Variants in HIP1R observed in about 807,000 individuals in gnomAD.
The protein encoded by HIP1R is huntingtin interacting protein 1 related, also known as huntingtin-interacting protein 1-related protein.
HIP1R carries 135 observed loss-of-function variants against 144.2 expected under a neutral mutation model. The ratio of observed to expected loss-of-function variants is 0.94; its 90% CI spans 0.81 to 1.08. The LOEUF (loss-of-function observed/expected upper bound fraction) is 1.08. Among genes scored for constraint, HIP1R ranks in the 50% least tolerant of loss-of-function variants. The probability of loss-of-function intolerance (pLI) is 0.00; values close to 1 mark genes in which losing one functional copy is unlikely to be tolerated. For synonymous variants in HIP1R, 698 were observed against 612.8 expected, an observed-to-expected ratio of 1.14 and a Z score of -2.05; for missense variants, 1,462 against 1,432.8, an observed-to-expected ratio of 1.02 and a Z score of -0.33.
intron 4 of HIP1R, among the ~76,000 whole-genome samples, chr12:122,849,428 G>A (rs537058098): frequency 1.1e-4 from 17 of 152,388 alleles, no homozygotes; most frequent in Admixed American, 2.6e-4. Context: ...TGACCAGGGC[G>A]TTATCCAACC....
At chr12:122,843,476 G>C (rs1170897651) in intron 1 of HIP1R, among the ~76,000 whole-genome samples, 3 of 152,226 alleles carry the variant, frequency 2.0e-5, no homozygotes, top group Non-Finnish European at 4.4e-5. Flanking sequence ...ATTGAGACCT[G>C]TCTGCTGGCC....
Position 122,858,835 on chromosome 12 carries a change from C to T in HIP1R, c.2051-3C>T. 1.2e-6 allele frequency: 2 copies of T among 1,611,376 alleles called. No individual in the cohort carries two copies. The highest frequency in any genetic ancestry group is 1.7e-6 in the Non-Finnish European group (2 of 1,178,550). On this transcript the variant is annotated splice_polypyrimidine_tract_variant and splice_region_variant and intron_variant, in intron 20 of 31. Coordinates refer to ENST00000253083, the MANE Select transcript of HIP1R (RefSeq NM_003959.3). ...CCAACCTTGGCCCCACCCACCCGCA[C>T]AGACGCCTCCGCCCTGGTGGCAGCT...
chr12:122,854,932 A>G lies in HIP1R; in HGVS notation c.746A>G (p.His249Arg). The change falls in exon 9 of 32, where the codon CAC becomes CGC. Residue 249 changes from histidine (H) to arginine (R), a missense_variant. By Grantham distance (29) the His-to-Arg change is conservative. Coordinates refer to ENST00000253083, the MANE Select transcript of HIP1R (RefSeq NM_003959.3). ...SCLPADTLQG[H>R]RDRFHEQFHS... ...CTCCCTGCGGACACCCTGCAAGGCC[A>G]CAGGGACCGGTTCCACGAGCAGTTT... 6.2e-7 allele frequency: 1 copy of G among 1,612,840 alleles called. No individual in the cohort carries two copies.
chr12:122,847,473 A>G (rs1593867550), intron 1 of HIP1R, among the ~76,000 whole-genome samples: 1 of 152,196 alleles, frequency 6.6e-6, no homozygotes, highest in South Asian at 2.1e-4. Context: ...AGCTTGACAC[A>G]GTTTGACAGG....
At chr12:122,835,684 C>A in intron 1 of HIP1R, 41 bp downstream of exon 1, 10 of 974,818 alleles carry the variant, frequency 1.0e-5, no homozygotes, top group Non-Finnish European at 8.6e-6. Context: ...CGGCGGCGGG[C>A]GGGCGGGCAA....
Position 122,858,143 on chromosome 12 carries a change from G to C in HIP1R, c.1857G>C (p.Glu619Asp). Residue 619 changes from glutamate (E) to aspartate (D), a missense_variant, in exon 19 of 32, where the codon GAG becomes GAC. Glu to Asp is a conservative substitution (Grantham distance 45). This residue lies in a region of HIP1R where 1,112 missense variants were observed against 1,011.7 expected (regional missense o/e 1.10). Coordinates refer to ENST00000253083, the MANE Select transcript of HIP1R (RefSeq NM_003959.3). ...EQGLRQRLLDEQFAVLRGAAA... is the reference protein window; with the variant it reads ...EQGLRQRLLDDQFAVLRGAAA... ...GGCTGCGGCAGAGGCTGCTGGACGAGCAGTTCGCAGTGTTGCGGGGCGCTG... is the reference window on the plus strand; with the variant it reads ...GGCTGCGGCAGAGGCTGCTGGACGACCAGTTCGCAGTGTTGCGGGGCGCTG... 1 of 1,602,374 alleles carries C rather than the reference G, an allele frequency of 6.2e-7. No individual in the cohort carries two copies. Among genetic ancestry groups the C allele is most frequent in the Non-Finnish European group, 8.5e-7 (1 of 1,176,960 alleles).
At position 122,857,078 on chromosome 12, in the gene HIP1R, A is replaced by G; in HGVS notation, c.1678A>G (p.Ser560Gly). Residue 560 changes from serine (S) to glycine (G), a missense_variant, in exon 18 of 32, where the codon AGT (serine) becomes GGT (glycine). Physicochemically the swap from Ser to Gly is moderately conservative, Grantham distance 56 (BLOSUM62 0). This residue lies in a region of HIP1R where 1,112 missense variants were observed against 1,011.7 expected (regional missense o/e 1.10). Transcript: ENST00000253083. ...DTLSAEKDALSGAVRQREADL... is the reference protein window; with the variant it reads ...DTLSAEKDALGGAVRQREADL... ...GCTGAGTGCGGAGAAGGATGCTCTG[A>G]GTGGAGCTGTGCGGCAGCGGGAGGC... The G allele has an allele frequency of 6.4e-7, 1 of 1,551,586 alleles. No individual in the cohort carries two copies. Among genetic ancestry groups the G allele is most frequent in the Non-Finnish European group, 8.7e-7 (1 of 1,147,674 alleles).
rs1479052130 is a variant in HIP1R at position 122,860,985 on chromosome 12, G to A, written c.2836G>A (p.Ala946Thr). Reference sequence around the variant, plus strand: ...ATGTTCTCGCACAGTCAATGAGAGGGCTGCCAATGTGGTGGCCTCCACCAA... The same window carrying A: ...ATGTTCTCGCACAGTCAATGAGAGGACTGCCAATGTGGTGGCCTCCACCAA... The part of the protein sequence containing the change: ...QECSRTVNER[A>T]ANVVASTKSG... The change falls in exon 29 of 32, where the codon GCT (alanine) becomes ACT (threonine). Residue 946 changes from alanine (A) to threonine (T), a missense_variant. Physicochemically the swap from Ala to Thr is moderately conservative, Grantham distance 58 (BLOSUM62 0). Transcript: ENST00000253083. 4.3e-6 allele frequency: 7 copies of A among 1,613,530 alleles called. No homozygotes were observed. The highest frequency in any genetic ancestry group is 5.9e-6 in the Non-Finnish European group (7 of 1,180,004).
Position 122,861,424 on chromosome 12 carries a change from C to T in HIP1R, c.3069C>T (p.Ala1023=), listed in dbSNP as rs562235030. 156 of 1,613,520 alleles carry T rather than the reference C, an allele frequency of 9.7e-5. 1 individual carries two copies. In the South Asian group the frequency reaches 1.6e-3, roughly 16 times the overall value. The change falls in exon 31 of 32, where the codon GCC becomes GCT. Residue 1023 remains alanine, a synonymous_variant. Transcript: ENST00000253083. The stretch of plus-strand genomic sequence containing the variant: ...CAGGCAGCCCTGGAGAGGAGGTGGC[C>T]ATCCGGCCCAGCACTGCCCCCCGAA... ...GASGSPGEEV[A]IRPSTAPRSV... is the part of the protein sequence containing the mutation.
chr12:122,859,380 C>CCCAGGCTGCCCGTGGGACG, intron 22 of HIP1R, 46 bp from the exon 23 acceptor site: 1 of 1,511,142 alleles, frequency 6.6e-7, no homozygotes, highest in East Asian at 2.3e-5. Context: ...GCCCGTGGGA[C>CCCAGGCTGCCCGTGGGACG]GGGGGGGGAC....
Position 122,850,203 on chromosome 12 carries a change from G to A in HIP1R, c.438+248G>A, listed in dbSNP as rs200503518. 61 of 639,748 alleles carry A rather than the reference G, an allele frequency of 9.5e-5. No homozygotes were observed. The East Asian group carries it at 1.8e-3, about 19-fold the overall frequency. The allele number at this position is 639,748 out of a possible 1,614,324, so 39.6% of individuals were successfully genotyped here. On this transcript the variant is annotated intron_variant, in intron 5 of 31. Transcript: ENST00000253083. ...CCCAGGCGTTTCTGTGGACATGAGC[G>A]CTGGGCTTCCTCAGTCTCTGCTGTG...
chr12:122,835,783 T>C (rs2135621022), intron 1 of HIP1R, 140 bp downstream of exon 1: 1 of 426,246 alleles, frequency 2.3e-6, no homozygotes, highest in Non-Finnish European at 3.1e-6. Flanking sequence ...AGGGCCTGTG[T>C]CCGCCCGGGC....
chr12:122,860,935 GC>G lies in HIP1R; in HGVS notation c.2791del (p.His931ThrfsTer2). ...CCTCAGGTGAAGGCCAACAAGCACAGCCCCCACCTGAGCCGCCTGCAGGAAT... is the reference window on the plus strand; with the variant it reads ...CCTCAGGTGAAGGCCAACAAGCACAGCCCCACCTGAGCCGCCTGCAGGAAT... ...AASKVKANKH[S>X]PHLSRLQECS... On this transcript the variant is annotated frameshift_variant, in exon 29 of 32. Transcript: ENST00000253083. LOFTEE classifies it high-confidence loss of function. The G allele has an allele frequency of 1.2e-6, 2 of 1,612,374 alleles. No homozygotes were observed. Among genetic ancestry groups the G allele is most frequent in the Non-Finnish European group, 1.7e-6 (2 of 1,179,378 alleles).
Position 122,851,287 on chromosome 12 carries a change from T to G in HIP1R, c.567T>G (p.Leu189=). ...MFDYMDCELK[L]SESVFRQLNT... is the part of the protein sequence containing the mutation. ...ATTACATGGATTGTGAGCTGAAGCTTTCTGAATCAGGTGAGCCGTAAAGAG... is the reference window on the plus strand; with the variant it reads ...ATTACATGGATTGTGAGCTGAAGCTGTCTGAATCAGGTGAGCCGTAAAGAG... The change falls in exon 7 of 32, where the codon CTT becomes CTG. Residue 189 remains leucine (L), a synonymous_variant. Transcript: ENST00000253083. 6.4e-7 allele frequency: 1 copy of G among 1,554,892 alleles called. No individual in the cohort carries two copies. Among genetic ancestry groups the G allele is most frequent in the Non-Finnish European group, 8.6e-7 (1 of 1,157,766 alleles).
rs1447488180 is a variant in HIP1R, at chr12:122,861,907, C to T, written c.*154C>T. 2 of 658,744 alleles carry T rather than the reference C, an allele frequency of 3.0e-6. No individual in the cohort carries two copies. Among genetic ancestry groups the T allele is most frequent in the Admixed American group, 5.8e-5 (2 of 34,560 alleles). 40.8% of individuals were successfully genotyped at this position (658,744 alleles called of 1,614,324 possible). On this transcript the variant is annotated 3_prime_UTR_variant, in exon 32 of 32. Transcript: ENST00000253083. ...CTCAAGGCCCCTGGCCCTTACTGAG[C>T]CTGCAGGGTCCTGGGCCATGTGGGT...
Position 122,861,353 on chromosome 12 carries a change from C to A in HIP1R, c.2998C>A (p.Arg1000=), listed in dbSNP as rs142435037. ...LEKTLEAERM[R]LGELRKQHYV... is the part of the protein sequence containing the mutation. ...GAAGACGCTGGAGGCTGAACGCATG[C>A]GGCTGGGGGAGTTGCGGAAGCAACA... Residue 1000 remains arginine, a synonymous_variant, in exon 31 of 32, where the codon CGG becomes AGG. Coordinates refer to ENST00000253083, the MANE Select transcript of HIP1R (RefSeq NM_003959.3). 1.2e-6 allele frequency: 2 copies of A among 1,613,600 alleles called. No homozygotes were observed. Among genetic ancestry groups the A allele is most frequent in the African/African-American group, 1.3e-5 (1 of 75,032 alleles).
rs774954960 is a variant in HIP1R at position 122,859,479 on chromosome 12, C to G, written c.2349C>G (p.Val783=). 1 of 1,613,426 alleles carries G rather than the reference C, an allele frequency of 6.2e-7. No individual in the cohort carries two copies. Among genetic ancestry groups the G allele is most frequent in the East Asian group, 2.2e-5 (1 of 44,880 alleles). The change falls in exon 23 of 32, where the codon GTC becomes GTG. Residue 783 remains valine, a synonymous_variant. Transcript: ENST00000253083. ...GGCAGGAGGAGCTGGGGGCCGTGGT[C>G]GACAAGGAGATGGCGGCCACATCCG... ...DVRQEELGAV[V]DKEMAATSAA...
At chr12:122,837,643 G>T (rs963673404) in intron 1 of HIP1R, among the ~76,000 whole-genome samples, 4 of 152,122 alleles carry the variant, frequency 2.6e-5, no homozygotes, top group Non-Finnish European at 4.4e-5. Context: ...GTTTTGCTCT[G>T]GTTTTTTCTC....
Position 122,859,157 on chromosome 12 carries a change from T to A in HIP1R, c.2255T>A (p.Leu752Gln). 1.3e-6 allele frequency: 2 copies of A among 1,580,230 alleles called. No individual in the cohort carries two copies. The highest frequency in any genetic ancestry group is 1.7e-6 in the Non-Finnish European group (2 of 1,163,954). ...GCTCTGCGGCACATGCAGGCCAGCC[T>A]GGTGCGGACACCCCTGCAGGGCATC... ...QQALRHMQASLVRTPLQGILQ... is the reference protein window; with the variant it reads ...QQALRHMQASQVRTPLQGILQ... Residue 752 changes from leucine to glutamine, a missense_variant, in exon 22 of 32, where the codon CTG becomes CAG. Leu to Gln is a moderately radical substitution (Grantham distance 113). Transcript: ENST00000253083.
Sources: gnomAD v4.1 joint callset for allele counts (sites outside exome capture counted in the v4.1 genomes callset) on GRCh38, gnomAD v4.1.1 for gene constraint, gnomAD v4.1.1 regional missense constraint, MANE v1.5 for transcripts, NCBI Gene and HGNC (gene_info 2026-07-23, HGNC 2026-07-21) for gene names.